PADI2: variants seen among roughly 807,000 people sequenced by gnomAD.
PADI2 encodes the protein peptidyl arginine deiminase 2.
Under a neutral mutation model 81.1 loss-of-function variants are expected in PADI2, and 70 were observed. That is an observed-to-expected ratio of 0.86 (90% CI 0.71 to 1.05). The LOEUF is 1.05. Among genes scored for constraint, PADI2 ranks in the 50% least tolerant of loss-of-function variants. The pLI is 0.00. For synonymous variants in PADI2, 338 were observed against 358.0 expected, an observed-to-expected ratio of 0.94 and a Z score of 0.63; for missense variants, 853 against 889.9, an observed-to-expected ratio of 0.96 and a Z score of 0.53.
At chr1:17,112,289 C>T (rs1931610326) in intron 1 of PADI2, among the ~76,000 whole-genome samples, 1 of 152,144 alleles carries the variant, frequency 6.6e-6, no homozygotes, top group South Asian at 2.1e-4. Flanking sequence ...ATGGTCCTCT[C>T]TGGTCTTGGC....
At chr1:17,088,925 A>AAACC (rs1553182379) in intron 6 of PADI2, among the ~76,000 whole-genome samples, 1 of 83,360 alleles carries the variant, frequency 1.2e-5, no homozygotes, top group Non-Finnish European at 2.3e-5. Context: ...AAAAAAAAAA[A>AAACC]AAAAAACCAA....
intron 6 of PADI2, among the ~76,000 whole-genome samples, chr1:17,087,777 A>T (rs1290227674): frequency 6.6e-6 from 1 of 152,140 alleles, no homozygotes; most frequent in Non-Finnish European, 1.5e-5. Flanking sequence ...AAGTGCTGGG[A>T]TTACAGGTGT....
chr1:17,112,151 C>A (rs1931598967), intron 1 of PADI2, among the ~76,000 whole-genome samples: 2 of 152,048 alleles, frequency 1.3e-5, no homozygotes, highest in African/African-American at 2.4e-5. Context: ...TGCAGCTGCC[C>A]ACGTGAGCGA....
chr1:17,070,874 T>C (rs2078260429), intron 14 of PADI2, among the ~76,000 whole-genome samples: 1 of 152,144 alleles, frequency 6.6e-6, no homozygotes. Flanking sequence ...GTTGGGCATG[T>C]TGGCCTTGAA....
intron 14 of PADI2, among the ~76,000 whole-genome samples, chr1:17,070,605 A>G (rs2078258741): frequency 1.3e-5 from 2 of 152,338 alleles, no homozygotes; most frequent in South Asian, 4.1e-4. Context: ...TTCTAAGCGC[A>G]TTACATAGAT....
chr1:17,092,547 G>C lies in PADI2; in HGVS notation c.530-14C>G, dbSNP rs1242835261. 2 of 1,574,092 alleles carry C rather than the reference G, an allele frequency of 1.3e-6. No individual in the cohort carries two copies. Among genetic ancestry groups the C allele is most frequent in the Admixed American group, 1.9e-5 (1 of 52,820 alleles). On this transcript the variant is annotated splice_polypyrimidine_tract_variant and intron_variant, in intron 5 of 15. Coordinates refer to ENST00000375486, the MANE Select transcript of PADI2 (RefSeq NM_007365.3). ...TGTCCTTGAGATCTGAGGGACAGAA[G>C]GTGAGAATGAAGAGATCTATCTGTT...
chr1:17,106,166 C>T (rs1931367972), intron 1 of PADI2, among the ~76,000 whole-genome samples: 1 of 152,208 alleles, frequency 6.6e-6, no homozygotes, highest in Non-Finnish European at 1.5e-5. Context: ...TGCCACCTGA[C>T]ATCCCCCACC....
chr1:17,085,856 T>C (rs541921021), intron 7 of PADI2, among the ~76,000 whole-genome samples: 5 of 152,312 alleles, frequency 3.3e-5, no homozygotes, highest in South Asian at 2.1e-4. Flanking sequence ...CCTTCCCTTT[T>C]TTTCTGAGCG....
intron 11 of PADI2, 21 bp downstream of exon 11, chr1:17,079,243 C>A (rs1348087101): frequency 1.2e-6 from 2 of 1,608,588 alleles, no homozygotes; most frequent in Admixed American, 3.4e-5. Flanking sequence ...CAGCCCCTAG[C>A]CCCAGCCTGG....
At chr1:17,100,282 G>GT (rs1931096988) in intron 3 of PADI2, among the ~76,000 whole-genome samples, 1 of 152,080 alleles carries the variant, frequency 6.6e-6, no homozygotes. Context: ...TCTGTTTTTT[G>GT]TTTTGTTTTG....
intron 11 of PADI2, among the ~76,000 whole-genome samples, chr1:17,077,418 T>C (rs1234335202): frequency 6.6e-6 from 1 of 152,096 alleles, no homozygotes; most frequent in Non-Finnish European, 1.5e-5. Flanking sequence ...TCTCAATAAA[T>C]ATTTGTCTTT....
intron 1 of PADI2, among the ~76,000 whole-genome samples, chr1:17,105,387 CTCT>C (rs1025206217): frequency 5.9e-5 from 9 of 151,672 alleles, no homozygotes; most frequent in Admixed American, 5.2e-4. Flanking sequence ...AAGACCCTGT[CTCT>C]TCTTTTTTGT....
chr1:17,084,565 C>A, intron 8 of PADI2, 34 bp downstream of exon 8: 2 of 1,413,184 alleles, frequency 1.4e-6, no homozygotes, highest in Non-Finnish European at 2.0e-6. Flanking sequence ...GCCACTCTGC[C>A]ACGCTGCCTC....
chr1:17,110,933 C>T (rs1931558008), intron 1 of PADI2, among the ~76,000 whole-genome samples: 1 of 152,056 alleles, frequency 6.6e-6, no homozygotes, highest in Non-Finnish European at 1.5e-5. Flanking sequence ...TGCAGGAGGG[C>T]TGGAGGAGGC....
intron 1 of PADI2, among the ~76,000 whole-genome samples, chr1:17,118,903 T>C (rs893593836): frequency 7.3e-5 from 11 of 151,526 alleles, no homozygotes; most frequent in African/African-American, 2.7e-4. Flanking sequence ...TTGAGGTGGG[T>C]CCGAGGGGAA....
At position 17,069,146 on chromosome 1, in the gene PADI2, G is replaced by A. The variant is rs759910803; in HGVS notation, c.1896C>T (p.Ile632=). The A allele has an allele frequency of 9.3e-6, 15 of 1,614,104 alleles. No individual in the cohort carries two copies. In the Admixed American group the frequency reaches 1.2e-4, roughly 13 times the overall value. The change falls in exon 16 of 16, where the codon ATC becomes ATT. Residue 632 remains isoleucine, a synonymous_variant. Coordinates refer to ENST00000375486, the MANE Select transcript of PADI2 (RefSeq NM_007365.3). ...ATTTGTGGTAGGCAGAAATGTCGTC[G>A]ATGAAGGTGCATTCGAGGCCCAGGG... The part of the protein sequence containing the change: ...LEPLGLECTF[I]DDISAYHKFL...
chr1:17,083,802 T>C lies in PADI2; in HGVS notation c.974A>G (p.Lys325Arg). The C allele has an allele frequency of 6.2e-7, 1 of 1,613,072 alleles. No individual in the cohort carries two copies. Residue 325 changes from lysine to arginine, a missense_variant, in exon 9 of 16, where the codon AAG becomes AGG. Physicochemically the swap from Lys to Arg is conservative, Grantham distance 26. Coordinates refer to ENST00000375486, the MANE Select transcript of PADI2 (RefSeq NM_007365.3). ...ACAGTTGGTTTTCTCCACAAGGTTC[T>C]TCACCTCTTTCAGGAACAGGTAATT... ...KDNYLFLKEV[K>R]NLVEKTNCEL...
At chr1:17,088,906 CAAAAAAAAAA>C (rs753463253) in intron 6 of PADI2, among the ~76,000 whole-genome samples, 1 of 38,838 alleles carries the variant, frequency 2.6e-5, no homozygotes, top group Non-Finnish European at 5.3e-5. Flanking sequence ...GACTCCATCT[CAAAAAAAAAA>C]AAAAAAAAAA....
intron 8 of PADI2, 37 bp from the exon 9 acceptor site, chr1:17,083,874 A>G (rs1207522344): frequency 1.7e-6 from 2 of 1,211,162 alleles, no homozygotes; most frequent in African/African-American, 3.0e-5. Context: ...GCCAGGAGAA[A>G]GGGTGAGGAG....
Sources: allele counts gnomAD v4.1 joint callset (sites outside exome capture counted in the v4.1 genomes callset), GRCh38; gene constraint gnomAD v4.1.1; transcripts MANE v1.5; gene names NCBI Gene and HGNC (gene_info 2026-07-23, HGNC 2026-07-21).